Variants in PCDH9 observed in about 807,000 individuals in gnomAD.
PCDH9 encodes the protein protocadherin-9.
In PCDH9, 24 loss-of-function variants were observed where a neutral mutation model predicts 70.6. The ratio of observed to expected loss-of-function variants is 0.34; its 90% CI spans 0.25 to 0.48. PCDH9 has a LOEUF of 0.48. PCDH9 is among the 20% of genes least tolerant of loss of function. The probability of loss-of-function intolerance (pLI) is 0.99; values close to 1 mark genes in which losing one functional copy is unlikely to be tolerated. For missense variants in PCDH9, 1,281 were observed against 1,503.6 expected (o/e 0.85, Z 2.45); for synonymous variants, 562 against 558.5 (o/e 1.01, Z -0.09).
chr13:66,494,594 C>T (rs984205547), intron 4 of PCDH9, among the ~76,000 whole-genome samples: 1 of 152,056 alleles, frequency 6.6e-6, no homozygotes, highest in Admixed American at 6.6e-5. Flanking sequence ...TCTCCATACC[C>T]CCACCATTCT....
chr13:67,003,265 C>T (rs1288782165), intron 2 of PCDH9, among the ~76,000 whole-genome samples: 2 of 152,126 alleles, frequency 1.3e-5, no homozygotes, highest in Middle Eastern at 3.4e-3. Flanking sequence ...AGCGACTTTA[C>T]AAATAACTTC....
At chr13:66,779,775 T>G (rs2139294593) in intron 3 of PCDH9, among the ~76,000 whole-genome samples, 1 of 148,434 alleles carries the variant, frequency 6.7e-6, no homozygotes, top group Admixed American at 6.8e-5. Flanking sequence ...GAGCTGAGAT[T>G]GCGCCACTGT....
chr13:66,689,441 C>T (rs910530448), intron 3 of PCDH9, among the ~76,000 whole-genome samples: 3 of 152,098 alleles, frequency 2.0e-5, no homozygotes, highest in African/African-American at 7.2e-5. Context: ...GCGTGGAGTA[C>T]ATGACAGCTT....
intron 4 of PCDH9, among the ~76,000 whole-genome samples, chr13:66,485,948 G>A (rs1417743704): frequency 2.6e-5 from 4 of 151,882 alleles, no homozygotes; most frequent in Non-Finnish European, 5.9e-5. Context: ...CGCTGGTCTC[G>A]AACTCCTGAC....
At chr13:67,149,916 A>C (rs1876254967) in intron 2 of PCDH9, among the ~76,000 whole-genome samples, 1 of 152,216 alleles carries the variant, frequency 6.6e-6, no homozygotes, top group African/African-American at 2.4e-5. Flanking sequence ...AGGTTACAGC[A>C]CTTCTTAGTG....
At chr13:66,442,625 C>T (rs1180810865) in intron 4 of PCDH9, among the ~76,000 whole-genome samples, 2 of 150,678 alleles carry the variant, frequency 1.3e-5, no homozygotes, top group Admixed American at 1.3e-4. Context: ...ACAGTAAGAA[C>T]TAATAGTTGT....
At chr13:66,807,021 C>T (rs888194915) in intron 3 of PCDH9, among the ~76,000 whole-genome samples, 10 of 152,088 alleles carry the variant, frequency 6.6e-5, no homozygotes. Flanking sequence ...GCTACTTTTT[C>T]CTAAAAAATG....
intron 4 of PCDH9, among the ~76,000 whole-genome samples, chr13:66,489,194 G>A (rs2138528502): frequency 6.6e-6 from 1 of 152,230 alleles, no homozygotes; most frequent in East Asian, 1.9e-4. Flanking sequence ...ATTTTGGCAT[G>A]ATTGATAGTT....
chr13:67,126,828 A>G (rs1318763474), intron 2 of PCDH9, among the ~76,000 whole-genome samples: 2 of 152,164 alleles, frequency 1.3e-5, no homozygotes, highest in African/African-American at 4.8e-5. Flanking sequence ...CCAATCTGGC[A>G]ACACAGTGAG....
At chr13:66,368,616 T>C (rs1457011112) in intron 4 of PCDH9, among the ~76,000 whole-genome samples, 2 of 152,192 alleles carry the variant, frequency 1.3e-5, no homozygotes. Context: ...TATATACACA[T>C]ATATGGCTAG....
chr13:66,484,193 C>T (rs1054180477), intron 4 of PCDH9, among the ~76,000 whole-genome samples: 2 of 152,166 alleles, frequency 1.3e-5, no homozygotes, highest in African/African-American at 4.8e-5. Flanking sequence ...AGAAAGCCCT[C>T]TGTCCTTGTG....
At chr13:66,454,228 T>C (rs770313519) in intron 4 of PCDH9, among the ~76,000 whole-genome samples, 1 of 152,130 alleles carries the variant, frequency 6.6e-6, no homozygotes, top group Non-Finnish European at 1.5e-5. Context: ...AAAGACATTA[T>C]TTTACAGCTA....
chr13:67,214,254 G>C (rs1249947631), intron 2 of PCDH9: 1 of 152,158 alleles, frequency 6.6e-6, no homozygotes, highest in Non-Finnish European at 1.5e-5. Context: ...CTTCTACCAT[G>C]AATTCAATCA....
At chr13:66,419,485 TG>T (rs893683721) in intron 4 of PCDH9, among the ~76,000 whole-genome samples, 9 of 150,862 alleles carry the variant, frequency 6.0e-5, no homozygotes, top group African/African-American at 2.2e-4. Context: ...GATTAGACAG[TG>T]GGTGCAGCCC....
rs200773193 is a variant in PCDH9, at chr13:66,932,681, T to TAC, written c.3037-29078_3037-29077dup. ...TCACATATATATATATATATATATA[T>TAC]ACACACACACACACGTATGTATATA... is the stretch of plus-strand genomic sequence containing the variant. On this transcript the variant is annotated intron_variant, in intron 2 of 4. Transcript: ENST00000377865. Among the ~76,000 whole-genome samples, 806 of 114,746 alleles carry TAC rather than the reference T, an allele frequency of 7.0e-3. 15 individuals carry two copies. The highest frequency in any genetic ancestry group is 9.3e-3 in the African/African-American group (273 of 29,200). 75.3% of individuals were successfully genotyped at this position (114,746 alleles called of 152,430 possible). A position where few individuals can be genotyped will look rare whatever the true frequency, so the allele number is the denominator to read the frequency against.
chr13:66,322,893 G>T (rs927644486), intron 4 of PCDH9, among the ~76,000 whole-genome samples: 1 of 151,906 alleles, frequency 6.6e-6, no homozygotes, highest in Admixed American at 6.6e-5. Context: ...AGTATGTTGT[G>T]GTAAAGCTTT....
intron 2 of PCDH9, among the ~76,000 whole-genome samples, chr13:67,190,655 G>C (rs759983289): frequency 6.6e-6 from 1 of 151,982 alleles, no homozygotes; most frequent in Non-Finnish European, 1.5e-5. Flanking sequence ...TTGTAGAATA[G>C]AGAAGTGCCC....
intron 2 of PCDH9, among the ~76,000 whole-genome samples, chr13:66,960,724 T>C (rs1487135067): frequency 1.3e-5 from 2 of 152,198 alleles, no homozygotes; most frequent in Non-Finnish European, 2.9e-5. Context: ...CATTACAGTC[T>C]CAATGCACTG....
chr13:66,314,104 A>T (rs1314005715), intron 4 of PCDH9, among the ~76,000 whole-genome samples: 1 of 152,136 alleles, frequency 6.6e-6, no homozygotes, highest in Non-Finnish European at 1.5e-5. Flanking sequence ...GTAGATTCCA[A>T]TTCAGTACAT....
Sources: allele counts gnomAD v4.1 joint callset (sites outside exome capture counted in the v4.1 genomes callset), GRCh38; gene constraint gnomAD v4.1.1; transcripts MANE v1.5; gene names NCBI Gene and HGNC (gene_info 2026-07-23, HGNC 2026-07-21).